AGBL4: variants seen among roughly 807,000 people sequenced by gnomAD.
The protein encoded by AGBL4 is cytosolic carboxypeptidase 6.
AGBL4 carries 58 observed loss-of-function variants against 66.4 expected under a neutral mutation model. The ratio of observed to expected loss-of-function variants is 0.87; its 90% CI spans 0.71 to 1.09. The LOEUF is 1.09. AGBL4 is among the 50% of genes least tolerant of loss of function. The pLI is 0.00. For missense variants in AGBL4, 579 were observed against 631.0 expected (o/e 0.92, Z 0.88); for synonymous variants, 234 against 222.9 (o/e 1.05, Z -0.44).
chr1:49,443,283 T>C (rs904117549), intron 3 of AGBL4, among the ~76,000 whole-genome samples: 5 of 152,126 alleles, frequency 3.3e-5, no homozygotes, highest in Non-Finnish European at 7.4e-5. Context: ...TTAAGTCACA[T>C]TTGCCTATTT....
chr1:49,374,595 A>T (rs940057973), intron 3 of AGBL4, among the ~76,000 whole-genome samples: 8 of 152,170 alleles, frequency 5.3e-5, no homozygotes, highest in Non-Finnish European at 1.0e-4. Flanking sequence ...TGTAAGACTG[A>T]GTCAAATGTA....
intron 3 of AGBL4, among the ~76,000 whole-genome samples, chr1:49,471,471 GACTTTAT>G (rs1646743124): frequency 6.6e-6 from 1 of 151,770 alleles, no homozygotes. Flanking sequence ...AAAACTCTTG[GACTTTAT>G]ACACAACAAC....
intron 1 of AGBL4, among the ~76,000 whole-genome samples, chr1:49,900,967 C>G (rs1221440085): frequency 6.6e-6 from 1 of 152,066 alleles, no homozygotes; most frequent in Non-Finnish European, 1.5e-5. Context: ...TTTATAGGTA[C>G]CATTTATAAT....
intron 3 of AGBL4, among the ~76,000 whole-genome samples, chr1:49,398,702 T>C (rs2148606673): frequency 6.6e-6 from 1 of 152,238 alleles, no homozygotes; most frequent in Non-Finnish European, 1.5e-5. Context: ...GTTTCCACTC[T>C]TTTTTTAATT....
At chr1:49,476,827 G>C (rs897028356) in intron 3 of AGBL4, among the ~76,000 whole-genome samples, 1 of 152,034 alleles carries the variant, frequency 6.6e-6, no homozygotes, top group Admixed American at 6.6e-5. Context: ...CCTGAGGGTT[G>C]CTCAGTACAC....
chr1:49,623,024 T>G (rs1237424699), intron 3 of AGBL4, among the ~76,000 whole-genome samples: 2 of 152,058 alleles, frequency 1.3e-5, no homozygotes, highest in East Asian at 3.9e-4. Context: ...ACACACACAC[T>G]CTCTCTCTCA....
At chr1:49,780,761 A>C (rs1336254683) in intron 2 of AGBL4, among the ~76,000 whole-genome samples, 1 of 152,178 alleles carries the variant, frequency 6.6e-6, no homozygotes, top group African/African-American at 2.4e-5. Context: ...TTAAAATATT[A>C]CACTGGGAAA....
chr1:49,782,302 A>T (rs1370093217), intron 2 of AGBL4, among the ~76,000 whole-genome samples: 1 of 152,138 alleles, frequency 6.6e-6, no homozygotes, highest in Non-Finnish European at 1.5e-5. Context: ...CCTTAAATAA[A>T]AAGAATTATA....
intron 3 of AGBL4, among the ~76,000 whole-genome samples, chr1:49,576,836 T>C (rs184013662): frequency 3.3e-5 from 5 of 152,258 alleles, no homozygotes; most frequent in Admixed American, 3.3e-4. Flanking sequence ...AGGGCCTGGT[T>C]CTCAGGTGGT....
intron 5 of AGBL4, among the ~76,000 whole-genome samples, chr1:49,034,128 A>G (rs1168582197): frequency 1.3e-5 from 2 of 152,066 alleles, no homozygotes; most frequent in African/African-American, 4.8e-5. Context: ...GCCCTTTGCC[A>G]TCTGGTTCTT....
intron 6 of AGBL4, among the ~76,000 whole-genome samples, chr1:48,800,947 A>AG (rs1245678259): frequency 4.2e-5 from 6 of 142,776 alleles, no homozygotes; most frequent in Non-Finnish European, 7.6e-5. Flanking sequence ...GGGTAGGGTT[A>AG]GGGGGGTCTG....
chr1:49,258,100 C>G (rs774156050), intron 3 of AGBL4, among the ~76,000 whole-genome samples: 1 of 152,202 alleles, frequency 6.6e-6, no homozygotes, highest in Non-Finnish European at 1.5e-5. Context: ...AGGATCCTGT[C>G]TGTTGAAAGG....
intron 6 of AGBL4, among the ~76,000 whole-genome samples, chr1:48,749,766 T>C (rs1651369501): frequency 6.6e-6 from 1 of 152,210 alleles, no homozygotes; most frequent in African/African-American, 2.4e-5. Context: ...TCTTCATCTG[T>C]GGTTCTTCTA....
At chr1:49,582,107 A>C (rs987447791) in intron 3 of AGBL4, among the ~76,000 whole-genome samples, 1 of 152,190 alleles carries the variant, frequency 6.6e-6, no homozygotes, top group Non-Finnish European at 1.5e-5. Flanking sequence ...TAGGTGTCCT[A>C]CGCACTGGGA....
chr1:49,373,106 C>T (rs1461855650), intron 3 of AGBL4, among the ~76,000 whole-genome samples: 3 of 152,134 alleles, frequency 2.0e-5, no homozygotes, highest in Non-Finnish European at 4.4e-5. Flanking sequence ...AGTTCATACA[C>T]TAAGAATTAA....
chr1:49,736,605 T>C (rs551222629), intron 2 of AGBL4, among the ~76,000 whole-genome samples: 1 of 152,188 alleles, frequency 6.6e-6, no homozygotes, highest in East Asian at 1.9e-4. Context: ...ACATCAACCT[T>C]GACAATGAAT....
intron 3 of AGBL4, among the ~76,000 whole-genome samples, chr1:49,285,580 G>A (rs1208344839): frequency 6.6e-6 from 1 of 152,100 alleles, no homozygotes; most frequent in African/African-American, 2.4e-5. Flanking sequence ...ATGAATCCAG[G>A]AGCTGGTTTT....
intron 6 of AGBL4, among the ~76,000 whole-genome samples, chr1:48,705,690 C>A (rs1401757162): frequency 6.6e-6 from 1 of 152,164 alleles, no homozygotes; most frequent in Admixed American, 6.5e-5. Context: ...CAAAATTACA[C>A]AGTAATGTTA....
intron 6 of AGBL4, among the ~76,000 whole-genome samples, chr1:48,728,615 T>G (rs1046995148): frequency 6.6e-6 from 1 of 152,228 alleles, no homozygotes; most frequent in African/African-American, 2.4e-5. Flanking sequence ...TTATCCATTT[T>G]ATTGTCAATG....
Sources: gnomAD v4.1 joint callset for allele counts (sites outside exome capture counted in the v4.1 genomes callset) on GRCh38, gnomAD v4.1.1 for gene constraint, MANE v1.5 for transcripts, NCBI Gene and HGNC (gene_info 2026-07-23, HGNC 2026-07-21) for gene names.